Variants in CSMD3 observed in about 807,000 individuals in gnomAD.
The protein encoded by CSMD3 is CUB and sushi domain-containing protein 3.
A neutral mutation model predicts 435.2 loss-of-function variants in CSMD3; 177 were observed. The ratio of observed to expected loss-of-function variants is 0.41; its 90% CI spans 0.36 to 0.46. The LOEUF (loss-of-function observed/expected upper bound fraction) is 0.46, where lower values mean the gene tolerates loss of function less well. CSMD3 is among the 20% of genes least tolerant of loss of function. The probability of loss-of-function intolerance (pLI) is 0.34; values close to 1 mark genes in which losing one functional copy is unlikely to be tolerated. For missense variants in CSMD3, 4,265 were observed against 4,504.6 expected, an observed-to-expected ratio of 0.95 and a Z score of 1.52; for synonymous variants, 1,656 against 1,520.5, an observed-to-expected ratio of 1.09 and a Z score of -2.07.
chr8:113,326,367 T>A (rs2093983978), intron 1 of CSMD3, among the ~76,000 whole-genome samples: 2 of 152,088 alleles, frequency 1.3e-5, no homozygotes, highest in South Asian at 4.1e-4. Context: ...CTAGTTTTTT[T>A]TCCTGATGAT....
intron 8 of CSMD3, among the ~76,000 whole-genome samples, chr8:112,949,694 C>T (rs143560225): frequency 1.6e-3 from 236 of 152,106 alleles, no homozygotes; most frequent in African/African-American, 5.6e-3. Flanking sequence ...TCTTGAATAC[C>T]AGAGGAGGAC....
intron 8 of CSMD3, 146 bp from the exon 9 acceptor site, chr8:112,948,023 T>G: frequency 1.8e-6 from 1 of 555,874 alleles, no homozygotes. Flanking sequence ...AACTATAATT[T>G]TATAAAACAA....
chr8:112,922,204 A>G (rs1227636383), intron 9 of CSMD3, among the ~76,000 whole-genome samples: 3 of 151,982 alleles, frequency 2.0e-5, no homozygotes, highest in Non-Finnish European at 2.9e-5. Context: ...TGATTTTCAT[A>G]AGGTGTTTTT....
At chr8:112,764,592 TA>T (rs2077928745) in intron 13 of CSMD3, among the ~76,000 whole-genome samples, 1 of 151,570 alleles carries the variant, frequency 6.6e-6, no homozygotes, top group Non-Finnish European at 1.5e-5. Context: ...TTATTTCTCT[TA>T]AAAGTAATGG....
intron 7 of CSMD3, among the ~76,000 whole-genome samples, chr8:112,962,347 G>T (rs2084262937): frequency 6.6e-6 from 1 of 151,378 alleles, no homozygotes; most frequent in Non-Finnish European, 1.5e-5. Context: ...TTAAATATTT[G>T]TTTCGCACTC....
intron 9 of CSMD3, among the ~76,000 whole-genome samples, chr8:112,945,586 ATATGTG>A (rs1275781010): frequency 2.0e-5 from 2 of 100,372 alleles, no homozygotes; most frequent in African/African-American, 3.8e-5. Flanking sequence ...GAATACAGAA[ATATGTG>A]TGTGTGTGTG....
chr8:112,392,158 G>C (rs957890975), intron 35 of CSMD3, among the ~76,000 whole-genome samples: 7 of 151,942 alleles, frequency 4.6e-5, no homozygotes, highest in Admixed American at 3.9e-4. Context: ...ATTATTTTAG[G>C]TCCCAATTGT....
intron 6 of CSMD3, among the ~76,000 whole-genome samples, chr8:112,976,440 A>T (rs2084852683): frequency 6.6e-6 from 1 of 152,056 alleles, no homozygotes; most frequent in Admixed American, 6.6e-5. Context: ...TCAATCTTTT[A>T]AAAAAATCTA....
At chr8:113,344,135 T>G (rs2094137469) in intron 1 of CSMD3, among the ~76,000 whole-genome samples, 1 of 152,130 alleles carries the variant, frequency 6.6e-6, no homozygotes, top group South Asian at 2.1e-4. Context: ...AAGAAAGTTA[T>G]GAACAAAACA....
intron 17 of CSMD3, among the ~76,000 whole-genome samples, chr8:112,656,589 T>C (rs1465374018): frequency 6.6e-6 from 1 of 152,132 alleles, no homozygotes; most frequent in Non-Finnish European, 1.5e-5. Flanking sequence ...TTCTTTCAAA[T>C]ATTATAAATT....
intron 13 of CSMD3, among the ~76,000 whole-genome samples, chr8:112,782,829 T>G (rs2078426294): frequency 6.6e-6 from 1 of 151,732 alleles, no homozygotes; most frequent in Non-Finnish European, 1.5e-5. Flanking sequence ...AAATCTATAG[T>G]AGTATACCCA....
At chr8:112,916,178 T>C (rs2082565704) in intron 10 of CSMD3, among the ~76,000 whole-genome samples, 1 of 151,876 alleles carries the variant, frequency 6.6e-6, no homozygotes, top group Non-Finnish European at 1.5e-5. Flanking sequence ...AATTTGTTCA[T>C]TATATGCATA....
chr8:113,321,359 G>A (rs1034465073), intron 1 of CSMD3, among the ~76,000 whole-genome samples: 2 of 151,668 alleles, frequency 1.3e-5, no homozygotes, highest in Non-Finnish European at 2.9e-5. Flanking sequence ...ATTTCTTGAA[G>A]CTGACCTAGG....
intron 3 of CSMD3, among the ~76,000 whole-genome samples, chr8:113,254,369 G>T (rs1348226387): frequency 6.6e-6 from 1 of 152,178 alleles, no homozygotes; most frequent in Non-Finnish European, 1.5e-5. Flanking sequence ...GCTAACCAGG[G>T]TCCAGGCGTG....
intron 58 of CSMD3, among the ~76,000 whole-genome samples, chr8:112,286,303 CCATGGTCAAT>C (rs974408370): frequency 1.3e-5 from 2 of 152,070 alleles, no homozygotes; most frequent in Middle Eastern, 6.3e-3. Flanking sequence ...TTTCACTTAG[CCATGGTCAAT>C]CATGGTCTAA....
chr8:113,344,549 G>A (rs903571914), intron 1 of CSMD3, among the ~76,000 whole-genome samples: 13 of 152,098 alleles, frequency 8.5e-5, no homozygotes, highest in Admixed American at 6.6e-5. Flanking sequence ...TTTCCCACAT[G>A]CACTATAACT....
At chr8:113,344,711 G>A (rs1329570185) in intron 1 of CSMD3, among the ~76,000 whole-genome samples, 2 of 152,182 alleles carry the variant, frequency 1.3e-5, no homozygotes, top group East Asian at 3.9e-4. Flanking sequence ...TCATATTCCA[G>A]CAACTGGTGT....
In CSMD3 at chr8:112,823,770, T is replaced by C. The variant is rs114678135; in HGVS notation, c.1859+5916A>G. 2.8e-3 allele frequency among the ~76,000 whole-genome samples: 427 copies of C among 152,328 alleles called. 1 individual carries two copies. Among genetic ancestry groups the C allele is most frequent in the African/African-American group, 9.7e-3 (405 of 41,574 alleles). ...GTGGTCAATTTTAGAATAAAGGCCATGTAGCACTGAGAAGAATATATATTC... is the reference window on the plus strand; with the variant it reads ...GTGGTCAATTTTAGAATAAAGGCCACGTAGCACTGAGAAGAATATATATTC... On this transcript the variant is annotated intron_variant, in intron 12 of 70. Coordinates refer to ENST00000297405, the MANE Select transcript of CSMD3 (RefSeq NM_198123.2).
At chr8:112,237,498 A>G (rs1813697680) in intron 66 of CSMD3, 150 bp from the exon 67 acceptor site, 1 of 672,312 alleles carries the variant, frequency 1.5e-6, no homozygotes, top group East Asian at 2.8e-5. Context: ...TCATATAAAA[A>G]TGTTTCCATT....
Sources: allele counts gnomAD v4.1 joint callset (sites outside exome capture counted in the v4.1 genomes callset), GRCh38; gene constraint gnomAD v4.1.1; transcripts MANE v1.5; gene names NCBI Gene and HGNC (gene_info 2026-07-23, HGNC 2026-07-21).